BIN1: variants seen among roughly 807,000 people sequenced by gnomAD.
BIN1 encodes the protein bridging integrator 1, also known as myc box-dependent-interacting protein 1.
BIN1 carries 53 observed loss-of-function variants against 82.0 expected under a neutral mutation model. That is an observed-to-expected ratio of 0.65 (90% CI 0.52 to 0.81). The LOEUF (loss-of-function observed/expected upper bound fraction) is 0.81. Among genes scored for constraint, BIN1 ranks in the 40% least tolerant of loss-of-function variants. BIN1 has a pLI of 0.00. For synonymous variants in BIN1, 302 were observed against 328.0 expected (o/e 0.92, Z 0.86); for missense variants, 642 against 784.4 (o/e 0.82, Z 2.17).
intron 1 of BIN1, among the ~76,000 whole-genome samples, chr2:127,103,021 A>T (rs1247122291): frequency 6.6e-6 from 1 of 152,148 alleles, no homozygotes; most frequent in Non-Finnish European, 1.5e-5. Context: ...ATGTGGGTAG[A>T]GGGGGGCATC....
intron 2 of BIN1, among the ~76,000 whole-genome samples, chr2:127,072,723 C>A (rs753431): frequency 4.7e-4 from 71 of 151,942 alleles, no homozygotes; most frequent in African/African-American, 1.7e-3. Flanking sequence ...CAAGGCCCAC[C>A]GATGTGAGAC....
In BIN1 at chr2:127,050,346, C is replaced by A. The variant is rs1682746086; in HGVS notation, c.1674+75G>T. 31 of 1,547,236 alleles carry A rather than the reference C, an allele frequency of 2.0e-5. No individual in the cohort carries two copies. The South Asian group carries it at 3.5e-4, about 17-fold the overall frequency. On this transcript the variant is annotated intron_variant, in intron 18 of 18. Transcript: ENST00000316724. ...TCTGCTGCCCCCTGCTGGCCTGTCT[C>A]CGCCACGGCGGTGCCAGCCGCAGCC...
Position 127,087,269 on chromosome 2 carries a change from G to T in BIN1, c.85-10563C>A, listed in dbSNP as rs1054768846. On this transcript the variant is annotated intron_variant, in intron 1 of 18. Transcript: ENST00000316724. The stretch of plus-strand genomic sequence containing the variant: ...CCGCCCCTGAGAAAGAAGGGGGAGG[G>T]GAAGGAAGTTGCAGGGTCTCCTCCT... 1.1e-4 allele frequency among the ~76,000 whole-genome samples: 17 copies of T among 152,276 alleles called. No homozygotes were observed. In the South Asian group the frequency reaches 2.3e-3, roughly 20 times the overall value.
At chr2:127,091,811 C>G (rs774027882) in intron 1 of BIN1, among the ~76,000 whole-genome samples, 1 of 152,042 alleles carries the variant, frequency 6.6e-6, no homozygotes, top group Admixed American at 6.5e-5. Context: ...GCAGGAGAAT[C>G]GCTTGAGCCC....
intron 3 of BIN1, 57 bp downstream of exon 3, chr2:127,070,705 C>T: frequency 5.7e-6 from 9 of 1,592,372 alleles, no homozygotes; most frequent in Non-Finnish European, 7.7e-6. Flanking sequence ...TCCCACCCTC[C>T]CCAGCTCTGC....
At chr2:127,103,004 G>GATGGGA (rs1157929454) in intron 1 of BIN1, among the ~76,000 whole-genome samples, 1 of 152,220 alleles carries the variant, frequency 6.6e-6, no homozygotes, top group African/African-American at 2.4e-5. Flanking sequence ...GATGGACAGA[G>GATGGGA]ATGGGAATGT....
At position 127,054,032 on chromosome 2, in the gene BIN1, G is replaced by C; in HGVS notation, c.1132-20C>G. ...CTCAAACTTGGCAGCAGCAGCAGCA[G>C]CAGAGGAGGAAGCAGTTAGTGTTAA... On this transcript the variant is annotated intron_variant, in intron 12 of 18. Transcript: ENST00000316724. 1 of 1,547,652 alleles carries C rather than the reference G, an allele frequency of 6.5e-7. No individual in the cohort carries two copies. Among genetic ancestry groups the C allele is most frequent in the Non-Finnish European group, 8.7e-7 (1 of 1,143,796 alleles).
intron 10 of BIN1, chr2:127,060,643 G>A (rs1369791772): frequency 1.2e-6 from 2 of 1,614,206 alleles, no homozygotes; most frequent in African/African-American, 1.3e-5. Flanking sequence ...TTTTCTTTCT[G>A]TGGGGACGGA....
At position 127,082,570 on chromosome 2, in the gene BIN1, T is replaced by G. The variant is rs1687433985; in HGVS notation, c.85-5864A>C. 6.6e-6 allele frequency among the ~76,000 whole-genome samples: 1 copy of G among 152,112 alleles called. No homozygotes were observed. The highest frequency in any genetic ancestry group is 1.5e-5 in the Non-Finnish European group (1 of 67,998). On this transcript the variant is annotated intron_variant, in intron 1 of 18. Coordinates refer to ENST00000316724, the MANE Select transcript of BIN1 (RefSeq NM_139343.3). This position sits in a 1 kb window ranked among gnomAD's most constrained non-coding sequence, Gnocchi z 6.1. The stretch of plus-strand genomic sequence containing the variant: ...CTGCCTGCTGTCTGACACATCAGGC[T>G]GGGGTGGCAGTGGTGAAAGGGGTAC...
At chr2:127,060,841 C>A (rs971688452) in intron 10 of BIN1, among the ~76,000 whole-genome samples, 1 of 152,176 alleles carries the variant, frequency 6.6e-6, no homozygotes. Flanking sequence ...TGGCCAGGTG[C>A]CCGAGGTGAT....
intron 1 of BIN1, among the ~76,000 whole-genome samples, chr2:127,080,346 T>C (rs948014107): frequency 1.3e-4 from 20 of 152,088 alleles, no homozygotes; most frequent in Non-Finnish European, 8.8e-5. Flanking sequence ...ACTCCAGGTG[T>C]CCAGGAGGGG....
intron 1 of BIN1, among the ~76,000 whole-genome samples, chr2:127,097,126 G>A (rs1679701207): frequency 6.6e-6 from 1 of 152,200 alleles, no homozygotes; most frequent in African/African-American, 2.4e-5. Context: ...CCACTCCTCT[G>A]AGGCCCCTCC....
chr2:127,061,967 G>A (rs1247003371), intron 10 of BIN1, 148 bp downstream of exon 10: 2 of 840,306 alleles, frequency 2.4e-6, no homozygotes, highest in Non-Finnish European at 3.7e-6. Flanking sequence ...CTGCCTCCCT[G>A]AGCACAGAGA....
chr2:127,089,548 T>C (rs978515430), intron 1 of BIN1, among the ~76,000 whole-genome samples: 1 of 152,038 alleles, frequency 6.6e-6, no homozygotes, highest in Non-Finnish European at 1.5e-5. Flanking sequence ...TGCCCAGAGA[T>C]GTCCAGGAGG....
chr2:127,057,499 C>A lies in BIN1; in HGVS notation c.1105G>T (p.Glu369Ter). ...LSLFEDTFVP[E>*]ISVTTPSQFE... ...TGGGAGGGGGTGGTCACGCTGATCT[C>A]AGGGACAAACGTGTCCTCAAACAGG... Residue 369 changes from glutamate (E) to a stop codon, truncating the protein, a stop_gained, in exon 12 of 19, where the codon GAG (glutamate) becomes TAG (stop). Transcript: ENST00000316724. LOFTEE classifies it high-confidence loss of function. The surrounding 1 kb of genome is among the most constrained non-coding windows in gnomAD (Gnocchi z 5.0). 12 of 1,548,046 alleles carry A rather than the reference C, an allele frequency of 7.8e-6. No homozygotes were observed. The highest frequency in any genetic ancestry group is 1.0e-5 in the Non-Finnish European group (12 of 1,144,778).
intron 10 of BIN1, among the ~76,000 whole-genome samples, chr2:127,061,606 C>T (rs1194117242): frequency 2.0e-5 from 3 of 152,226 alleles, no homozygotes; most frequent in Non-Finnish European, 4.4e-5. Context: ...AAACAGAGGC[C>T]TCCTTGCAGC....
At position 127,057,894 on chromosome 2, in the gene BIN1, GAGA is replaced by G. The variant is rs1364087613; in HGVS notation, c.1003-296_1003-294del. Among the ~76,000 whole-genome samples, 18 of 85,814 alleles carry G rather than the reference GAGA, an allele frequency of 2.1e-4. No individual in the cohort carries two copies. Among genetic ancestry groups the G allele is most frequent in the African/African-American group, 1.5e-3 (18 of 11,748 alleles). The allele number at this position is 85,814 out of a possible 152,430, so 56.3% of individuals were successfully genotyped here. On this transcript the variant is annotated intron_variant, in intron 11 of 18. Transcript: ENST00000316724. This position sits in a 1 kb window ranked among gnomAD's most constrained non-coding sequence, Gnocchi z 5.0. ...GGAGAGGAGGAAGGAGAGCGAAGAA[GAGA>G]AGAGGCCCCAGGCTGCCCACTGGCC...
rs1684578254 is a variant in BIN1 at position 127,062,118 on chromosome 2, G to A, written c.854C>T (p.Pro285Leu). The A allele has an allele frequency of 1.9e-6, 3 of 1,606,934 alleles. No homozygotes were observed. Among genetic ancestry groups the A allele is most frequent in the African/African-American group, 1.3e-5 (1 of 74,814 alleles). ...CCAGGGCTCTCCCCGCACGCACCTG[G>A]GCTGGGCCTTGACCGTGAAGGTGTT... ...GSNTFTVKAQ[P>L]SDNAPAKGNK... Residue 285 changes from proline to leucine, a missense_variant, in exon 10 of 19, where the codon CCC (proline) becomes CTC (leucine). By Grantham distance (98) the Pro-to-Leu change is moderately conservative. Coordinates refer to ENST00000316724, the MANE Select transcript of BIN1 (RefSeq NM_139343.3).
At chr2:127,080,982 G>A (rs528208927) in intron 1 of BIN1, among the ~76,000 whole-genome samples, 2 of 152,338 alleles carry the variant, frequency 1.3e-5, no homozygotes, top group South Asian at 2.1e-4. Context: ...GGAGCATCCC[G>A]TGGGTGGGTG....
Sources: allele counts gnomAD v4.1 joint callset (sites outside exome capture counted in the v4.1 genomes callset), GRCh38; gene constraint gnomAD v4.1.1; non-coding constraint Gnocchi (gnomAD v3.1); transcripts MANE v1.5; gene names NCBI Gene and HGNC (gene_info 2026-07-23, HGNC 2026-07-21).